STXBP4: variants seen among roughly 807,000 people sequenced by gnomAD.
The protein encoded by STXBP4 is syntaxin-binding protein 4.
STXBP4 carries 55 observed loss-of-function variants against 76.1 expected under a neutral mutation model. That is an observed-to-expected ratio of 0.72 (90% CI 0.58 to 0.91). STXBP4 has a LOEUF of 0.91. Among genes scored for constraint, STXBP4 ranks in the 40% least tolerant of loss-of-function variants. STXBP4 has a pLI of 0.00. For missense variants in STXBP4, 618 were observed against 636.9 expected (o/e 0.97, Z 0.32); for synonymous variants, 201 against 220.2 (o/e 0.91, Z 0.77).
At chr17:55,180,181 G>A in the STXBP4 span, among the ~76,000 whole-genome samples, 1 of 152,154 alleles carries the variant, frequency 6.6e-6, no homozygotes, top group African/African-American at 2.4e-5. Flanking sequence ...TGAAGGTTAA[G>A]GAGGTGCCTG....
At chr17:55,053,054 A>G (rs528353439) in intron 12 of STXBP4, among the ~76,000 whole-genome samples, 19 of 151,822 alleles carry the variant, frequency 1.3e-4, no homozygotes, top group Non-Finnish European at 2.2e-4. Flanking sequence ...AACTAAATAC[A>G]GCATCTGACT....
intron 1 of STXBP4, among the ~76,000 whole-genome samples, chr17:54,974,650 C>T (rs1024627906): frequency 2.6e-5 from 4 of 152,200 alleles, no homozygotes; most frequent in African/African-American, 9.6e-5. Flanking sequence ...ATGCAAGCCC[C>T]CAAATTGGGG....
intron 16 of STXBP4, among the ~76,000 whole-genome samples, chr17:55,113,579 A>T (rs2079747887): frequency 6.6e-6 from 1 of 152,146 alleles, no homozygotes; most frequent in African/African-American, 2.4e-5. Flanking sequence ...GTGCTATCAT[A>T]AGAGGGAAAA....
chr17:55,058,602 T>C, intron 12 of STXBP4, among the ~76,000 whole-genome samples: 1 of 152,290 alleles, frequency 6.6e-6, no homozygotes, highest in Non-Finnish European at 1.5e-5. Context: ...GCCTGAAGGA[T>C]GAATTTGGTA....
chr17:55,011,508 C>CTTTTTTTTTTTTTTTT lies in STXBP4; in HGVS notation c.666+3913_666+3928dup, dbSNP rs3080154. On this transcript the variant is annotated intron_variant, in intron 8 of 17. Coordinates refer to ENST00000376352, the MANE Select transcript of STXBP4 (RefSeq NM_178509.6). ...GGATCAAAGAGTTTATTTTCTTTTT[C>CTTTTTTTTTTTTTTTT]TTTTTTTTTTTTTTTTTGCAGTTGC... is the stretch of plus-strand genomic sequence containing the variant. Among the ~76,000 whole-genome samples, 206 of 85,924 alleles carry CTTTTTTTTTTTTTTTT rather than the reference C, an allele frequency of 2.4e-3. 10 individuals are homozygous for CTTTTTTTTTTTTTTTT. Among genetic ancestry groups the CTTTTTTTTTTTTTTTT allele is most frequent in the Admixed American group, 2.8e-3 (18 of 6,356 alleles). The allele number at this position is 85,924 out of a possible 152,430, so 56.4% of individuals were successfully genotyped here.
chr17:55,045,034 C>CT (rs778485684), intron 11 of STXBP4, among the ~76,000 whole-genome samples: 5 of 152,014 alleles, frequency 3.3e-5, no homozygotes, highest in Non-Finnish European at 5.9e-5. Flanking sequence ...TCTTCAGCAG[C>CT]TTTGTAGATG....
chr17:55,043,084 TC>T (rs2078730198), intron 10 of STXBP4, 151 bp from the exon 11 acceptor site: 4 of 391,782 alleles, frequency 1.0e-5, no homozygotes, highest in Middle Eastern at 6.6e-4. Context: ...TACTTTAATA[TC>T]CCCTTTATCT....
intron 12 of STXBP4, among the ~76,000 whole-genome samples, chr17:55,051,067 A>G (rs933474112): frequency 6.6e-6 from 1 of 152,182 alleles, no homozygotes; most frequent in South Asian, 2.1e-4. Flanking sequence ...AAATCAAAGG[A>G]GGGATAAACT....
At chr17:55,117,194 G>A (rs2079790752) in intron 16 of STXBP4, among the ~76,000 whole-genome samples, 1 of 151,694 alleles carries the variant, frequency 6.6e-6, no homozygotes, top group Non-Finnish European at 1.5e-5. Context: ...TTAATCTATT[G>A]TCTCTTAGAA....
chr17:55,044,149 G>A (rs1332508874), intron 11 of STXBP4: 1 of 152,158 alleles, frequency 6.6e-6, no homozygotes, highest in Admixed American at 6.6e-5. Context: ...GAGCCACCAT[G>A]TCTGGCCTTG....
At chr17:55,185,248 T>TCTTCTTCTTCTTCTTCTTCTC in the STXBP4 span, among the ~76,000 whole-genome samples, 1 of 43,888 alleles carries the variant, frequency 2.3e-5, no homozygotes, top group African/African-American at 1.0e-4. Context: ...TTCTTCTTCT[T>TCTTCTTCTTCTTCTTCTTCTC]CTCCTTCTCC....
At chr17:55,152,227 G>A (rs1199941378) in intron 17 of STXBP4, among the ~76,000 whole-genome samples, 1 of 151,962 alleles carries the variant, frequency 6.6e-6, no homozygotes, top group Non-Finnish European at 1.5e-5. Flanking sequence ...CCCTTTCTGT[G>A]AGCCTGACAC....
chr17:55,078,121 G>A lies in STXBP4; in HGVS notation c.1232G>A (p.Cys411Tyr). Residue 411 changes from cysteine to tyrosine, a missense_variant, in exon 14 of 18, where the codon TGC (cysteine) becomes TAC (tyrosine). Cys to Tyr is a radical substitution (Grantham distance 194, BLOSUM62 -2). Coordinates refer to ENST00000376352, the MANE Select transcript of STXBP4 (RefSeq NM_178509.6). The stretch of plus-strand genomic sequence containing the variant: ...AAAAAGAGAATCATGGTACTCGACT[G>A]CCAATTACGAAAATCAGAAATGGCT... ...DLKKRIMVLDCQLRKSEMARK... is the reference protein window; with the variant it reads ...DLKKRIMVLDYQLRKSEMARK... 1 of 1,612,060 alleles carries A rather than the reference G, an allele frequency of 6.2e-7. No homozygotes were observed. The highest frequency in any genetic ancestry group is 1.1e-5 in the South Asian group (1 of 90,822).
intron 3 of STXBP4, among the ~76,000 whole-genome samples, chr17:54,986,613 T>C (rs1389689944): frequency 6.6e-6 from 1 of 152,126 alleles, no homozygotes; most frequent in Non-Finnish European, 1.5e-5. Flanking sequence ...TTGGGCAACA[T>C]AGCAAAACTC....
chr17:55,150,655 C>T (rs2080205919), intron 17 of STXBP4, among the ~76,000 whole-genome samples: 1 of 152,080 alleles, frequency 6.6e-6, no homozygotes, highest in African/African-American at 2.4e-5. Context: ...TCATGCTAAA[C>T]GTTTAGCAAG....
the STXBP4 span, among the ~76,000 whole-genome samples, chr17:55,207,798 G>A: frequency 0.029 from 4,347 of 152,224 alleles, 219 homozygotes; most frequent in African/African-American, 0.098. Context: ...ACGCACGTGC[G>A]CACGTGTGCA....
intron 12 of STXBP4, among the ~76,000 whole-genome samples, chr17:55,063,636 A>G (rs1341108184): frequency 6.6e-6 from 1 of 152,222 alleles, no homozygotes; most frequent in Non-Finnish European, 1.5e-5. Context: ...CTAAACATAC[A>G]GTTCTACAAG....
chr17:55,133,277 A>T (rs2079992306), intron 16 of STXBP4, among the ~76,000 whole-genome samples: 1 of 152,108 alleles, frequency 6.6e-6, no homozygotes, highest in Non-Finnish European at 1.5e-5. Context: ...AGGGTCAAGG[A>T]TGTGTCCTAG....
the STXBP4 span, among the ~76,000 whole-genome samples, chr17:55,189,154 A>T: frequency 0.85 from 128,566 of 151,852 alleles, 54,930 homozygotes; most frequent in African/African-American, 0.94. Flanking sequence ...AGGGGGACAT[A>T]GAATATATAT....
Sources: allele counts gnomAD v4.1 joint callset (sites outside exome capture counted in the v4.1 genomes callset), GRCh38; gene constraint gnomAD v4.1.1; transcripts MANE v1.5; gene names NCBI Gene and HGNC (gene_info 2026-07-23, HGNC 2026-07-21).